The following HMCN1 variants were observed in gnomAD, a reference collection of about 807,000 sequenced individuals.
The protein encoded by HMCN1 is hemicentin-1.
HMCN1 carries 321 observed loss-of-function variants against 625.9 expected under a neutral mutation model. That is an observed-to-expected ratio of 0.51 (90% CI 0.47 to 0.56). The LOEUF (loss-of-function observed/expected upper bound fraction) is 0.56, where lower values mean the gene tolerates loss of function less well. Ranked by LOEUF, HMCN1 falls within the 20% of genes least tolerant of loss-of-function variation. HMCN1 has a pLI of 0.00. For missense variants in HMCN1, 6,588 were observed against 6,887.3 expected (o/e 0.96, Z 1.54); for synonymous variants, 2,425 against 2,417.6 (o/e 1.00, Z -0.09).
Position 186,023,132 on chromosome 1 carries a change from C to G in HMCN1, c.5728C>G (p.His1910Asp). Reference protein sequence around the residue: ...ATNAAGETQQHIQLHVHEPPS... With the variant: ...ATNAAGETQQDIQLHVHEPPS... ...CAACGCAGCTGGAGAAACACAACAGCACATTCAACTGCATGTTCATGGTAA... is the reference window on the plus strand; with the variant it reads ...CAACGCAGCTGGAGAAACACAACAGGACATTCAACTGCATGTTCATGGTAA... Residue 1910 changes from histidine (H) to aspartate (D), a missense_variant, in exon 36 of 107, where the codon CAC becomes GAC. This residue lies in a region of HMCN1 where 4,628 missense variants were observed against 4,853.1 expected (regional missense o/e 0.95). Transcript: ENST00000271588. The G allele has an allele frequency of 6.2e-7, 1 of 1,613,106 alleles. No homozygotes were observed. The highest frequency in any genetic ancestry group is 1.1e-5 in the South Asian group (1 of 91,064).
chr1:185,829,399 C>T (rs758584909), intron 1 of HMCN1, among the ~76,000 whole-genome samples: 4 of 151,858 alleles, frequency 2.6e-5, no homozygotes, highest in Admixed American at 1.3e-4. Flanking sequence ...CCTCTAAGTT[C>T]GCTCCCCTCA....
At chr1:186,131,797 T>C (rs1661949085) in intron 85 of HMCN1, among the ~76,000 whole-genome samples, 1 of 152,144 alleles carries the variant, frequency 6.6e-6, no homozygotes, top group Non-Finnish European at 1.5e-5. Context: ...TATATGTATA[T>C]AATGTGACCT....
At chr1:185,816,699 T>A (rs1481066139) in intron 1 of HMCN1, among the ~76,000 whole-genome samples, 4 of 152,192 alleles carry the variant, frequency 2.6e-5, no homozygotes, top group Non-Finnish European at 4.4e-5. Context: ...CTGAGGCATT[T>A]AAGTACATCT....
At chr1:185,960,539 A>G (rs577774402) in intron 11 of HMCN1, among the ~76,000 whole-genome samples, 5 of 152,118 alleles carry the variant, frequency 3.3e-5, no homozygotes, top group Non-Finnish European at 7.4e-5. Context: ...GTAGCACCCT[A>G]TGTCCAGGCT....
intron 81 of HMCN1, among the ~76,000 whole-genome samples, chr1:186,123,428 A>G (rs972466175): frequency 3.3e-5 from 5 of 152,124 alleles, no homozygotes; most frequent in Non-Finnish European, 7.3e-5. Flanking sequence ...GTGAGAGAGA[A>G]AGACAGATTT....
intron 38 of HMCN1, among the ~76,000 whole-genome samples, chr1:186,039,330 C>G (rs1350976286): frequency 2.0e-5 from 3 of 151,714 alleles, no homozygotes; most frequent in Non-Finnish European, 2.9e-5. Flanking sequence ...GTGATTATCT[C>G]TAATAATGCT....
At chr1:185,905,737 A>G (rs1025709116) in intron 4 of HMCN1, among the ~76,000 whole-genome samples, 2 of 151,846 alleles carry the variant, frequency 1.3e-5, no homozygotes, top group East Asian at 3.9e-4. Context: ...AGCATTGGTT[A>G]TAGCATGGGC....
intron 97 of HMCN1, among the ~76,000 whole-genome samples, chr1:186,158,901 A>G (rs1651230850): frequency 6.6e-6 from 1 of 152,108 alleles, no homozygotes; most frequent in Admixed American, 6.6e-5. Context: ...TTGGCTTAGG[A>G]TTGACTTGGC....
chr1:186,066,070 T>C (rs149199360), intron 49 of HMCN1, among the ~76,000 whole-genome samples: 226 of 152,264 alleles, frequency 1.5e-3, no homozygotes, highest in African/African-American at 5.1e-3. Context: ...CCACCATAGA[T>C]AGAAACTTCT....
At chr1:185,798,531 C>T (rs1484500007) in intron 1 of HMCN1, among the ~76,000 whole-genome samples, 1 of 152,116 alleles carries the variant, frequency 6.6e-6, no homozygotes, top group Non-Finnish European at 1.5e-5. Flanking sequence ...GAACATTTTA[C>T]ATAATCCCAT....
At chr1:186,019,782 T>C in intron 35 of HMCN1, 87 bp downstream of exon 35, 1 of 1,181,056 alleles carries the variant, frequency 8.5e-7, no homozygotes. Flanking sequence ...AACTGTAGAT[T>C]TTCCTGTTGG....
chr1:186,182,360 T>G (rs1652990081), intron 105 of HMCN1, 73 bp downstream of exon 105: 1 of 1,563,138 alleles, frequency 6.4e-7, no homozygotes, highest in African/African-American at 1.4e-5. Flanking sequence ...AAGTTTTTTT[T>G]CAATAATCAT....
At chr1:185,780,285 A>G (rs1049832981) in intron 1 of HMCN1, among the ~76,000 whole-genome samples, 1 of 152,212 alleles carries the variant, frequency 6.6e-6, no homozygotes, top group Non-Finnish European at 1.5e-5. Context: ...CAATCATGTC[A>G]TCTGCAAACA....
At chr1:186,141,967 T>TC (rs1649990883) in intron 89 of HMCN1, among the ~76,000 whole-genome samples, 3 of 152,206 alleles carry the variant, frequency 2.0e-5, no homozygotes. Flanking sequence ...TTTGCATGTT[T>TC]CTTACCTACT....
At chr1:186,020,164 T>G (rs1393558806) in intron 35 of HMCN1, among the ~76,000 whole-genome samples, 1 of 152,042 alleles carries the variant, frequency 6.6e-6, no homozygotes, top group Non-Finnish European at 1.5e-5. Flanking sequence ...TTCACTTTTT[T>G]ATCGTTCATA....
chr1:185,902,911 T>C (rs1048264186), intron 4 of HMCN1, among the ~76,000 whole-genome samples: 2 of 151,422 alleles, frequency 1.3e-5, no homozygotes, highest in Non-Finnish European at 3.0e-5. Context: ...CTCACTGAGA[T>C]TTGGCCATTC....
intron 90 of HMCN1, 52 bp downstream of exon 90, chr1:186,144,395 A>G (rs1650153209): frequency 4.4e-6 from 7 of 1,603,702 alleles, no homozygotes; most frequent in Non-Finnish European, 3.4e-6. Flanking sequence ...TACCTATCTT[A>G]TCTAGGTAGT....
intron 4 of HMCN1, among the ~76,000 whole-genome samples, chr1:185,886,438 G>C (rs1039238363): frequency 3.3e-5 from 5 of 152,018 alleles, no homozygotes; most frequent in Non-Finnish European, 5.9e-5. Flanking sequence ...AAGCTAGAAT[G>C]CATCTCCTTT....
intron 1 of HMCN1, among the ~76,000 whole-genome samples, chr1:185,799,667 G>A (rs186430099): frequency 1.2e-4 from 19 of 152,252 alleles, no homozygotes; most frequent in African/African-American, 4.6e-4. Context: ...GTGTTTAGGG[G>A]CATGCTGGTA....
Sources: gnomAD v4.1 joint callset for allele counts (sites outside exome capture counted in the v4.1 genomes callset) on GRCh38, gnomAD v4.1.1 for gene constraint, gnomAD v4.1.1 regional missense constraint, MANE v1.5 for transcripts, NCBI Gene and HGNC (gene_info 2026-07-23, HGNC 2026-07-21) for gene names.